The following KLF9 variants were observed in gnomAD, a reference collection of about 807,000 sequenced individuals.
KLF9 encodes the protein Krueppel-like factor 9.
A neutral mutation model predicts 17.3 loss-of-function variants in KLF9; 2 were observed. The observed-to-expected ratio is 0.12, with a 90% CI of 0.05 to 0.36. KLF9 has a LOEUF of 0.36. Ranked by LOEUF, KLF9 falls within the 10% of genes least tolerant of loss-of-function variation. The pLI, the probability that KLF9 is intolerant of heterozygous loss-of-function variation, is 1.00. For synonymous variants in KLF9, 138 were observed against 139.2 expected (o/e 0.99, Z 0.06); for missense variants, 226 against 333.2 (o/e 0.68, Z 2.51).
chr9:70,409,024 ATATATATATATGTG>A (rs1242750799), intron 1 of KLF9, among the ~76,000 whole-genome samples: 2 of 93,644 alleles, frequency 2.1e-5, no homozygotes, highest in Admixed American at 1.2e-4. Flanking sequence ...ACATATATGT[ATATATATATATGTG>A]TATATATATA....
At chr9:70,394,370 A>G (rs2037170194) in intron 1 of KLF9, among the ~76,000 whole-genome samples, 1 of 152,128 alleles carries the variant, frequency 6.6e-6, no homozygotes, top group African/African-American at 2.4e-5. Context: ...ACAAAATAGT[A>G]TATGATAAAA....
chr9:70,398,158 C>T (rs1047638740), intron 1 of KLF9, among the ~76,000 whole-genome samples: 1 of 152,230 alleles, frequency 6.6e-6, no homozygotes, highest in African/African-American at 2.4e-5. Context: ...CCATTTGCTT[C>T]TGACCTCTCA....
chr9:70,409,185 C>T lies in KLF9; in HGVS notation c.505+3674G>A, dbSNP rs71483587. 4.8e-3 allele frequency among the ~76,000 whole-genome samples: 255 copies of T among 53,506 alleles called. 36 individuals carry two copies. The highest frequency in any genetic ancestry group is 0.012 in the Middle Eastern group (1 of 86). The allele number at this position is 53,506 out of a possible 152,430, so 35.1% of individuals were successfully genotyped here. Reference sequence around the variant, plus strand: ...ACACATATATGTATATATATGTATACATATACATGTATATGTATATATATA... The same window carrying T: ...ACACATATATGTATATATATGTATATATATACATGTATATGTATATATATA... On this transcript the variant is annotated intron_variant, in intron 1 of 1. Coordinates refer to ENST00000377126, the MANE Select transcript of KLF9 (RefSeq NM_001206.4).
Position 70,386,054 on chromosome 9 carries a change from A to G in KLF9, c.*1722T>C, listed in dbSNP as rs2037108640. On this transcript the variant is annotated 3_prime_UTR_variant, in exon 2 of 2. Coordinates refer to ENST00000377126, the MANE Select transcript of KLF9 (RefSeq NM_001206.4). ...TCTGAATCAGAAACGAGTATGGGTC[A>G]GGTGAAATAGGTAGGCACCCTATGT... 6.6e-6 allele frequency: 1 copy of G among 152,478 alleles called. No homozygotes were observed. Among genetic ancestry groups the G allele is most frequent in the South Asian group, 2.1e-4 (1 of 4,826 alleles). The allele number at this position is 152,478 out of a possible 1,614,324, so 9.4% of individuals were successfully genotyped here. A position where few individuals can be genotyped will look rare whatever the true frequency, so the allele number is the denominator to read the frequency against.
Position 70,394,927 on chromosome 9 carries a change from G to T in KLF9, c.506-6922C>A, listed in dbSNP as rs570438320. ...GGCAATTCTGTACAAATTCATCTAC[G>T]GAATTAACACACACCGTAAGAATTT... is the stretch of plus-strand genomic sequence containing the variant. On this transcript the variant is annotated intron_variant, in intron 1 of 1. Coordinates refer to ENST00000377126, the MANE Select transcript of KLF9 (RefSeq NM_001206.4). Among the ~76,000 whole-genome samples the T allele has an allele frequency of 1.9e-3, 285 of 152,198 alleles. 1 individual carries two copies. Among genetic ancestry groups the T allele is most frequent in the South Asian group, 4.6e-3 (22 of 4,824 alleles).
intron 1 of KLF9, among the ~76,000 whole-genome samples, chr9:70,411,703 C>T (rs946944600): frequency 6.6e-5 from 10 of 152,136 alleles, no homozygotes; most frequent in African/African-American, 1.9e-4. Flanking sequence ...AAACCACAGG[C>T]CCAAGACCTC....
chr9:70,413,402 TG>T lies in KLF9; in HGVS notation c.-40del, dbSNP rs758562328. The stretch of plus-strand genomic sequence containing the variant: ...GCAGCCCAGGCGGCGCGGACAAACT[TG>T]GCGGTGGCTGCGGAGGTTCGGCTCG... On this transcript the variant is annotated 5_prime_UTR_variant, in exon 1 of 2. Transcript: ENST00000377126. The surrounding 1 kb of genome is among the most constrained non-coding windows in gnomAD (Gnocchi z 5.6). The T allele has an allele frequency of 4.1e-5, 60 of 1,453,808 alleles. No individual in the cohort carries two copies. Among genetic ancestry groups the T allele is most frequent in the Non-Finnish European group, 5.4e-5 (60 of 1,105,834 alleles). 90.1% of individuals were successfully genotyped at this position (1,453,808 alleles called of 1,614,324 possible). A position where few individuals can be genotyped will look rare whatever the true frequency, so the allele number is the denominator to read the frequency against.
At chr9:70,391,666 T>G (rs1023749331) in intron 1 of KLF9, among the ~76,000 whole-genome samples, 10 of 152,252 alleles carry the variant, frequency 6.6e-5, no homozygotes, top group African/African-American at 2.2e-4. Context: ...TTTGGAAAAC[T>G]TTAAAAACTT....
chr9:70,386,976 A>G lies in KLF9; in HGVS notation c.*800T>C, dbSNP rs2037114315. The G allele has an allele frequency of 6.6e-6, 1 of 152,660 alleles. No individual in the cohort carries two copies. The highest frequency in any genetic ancestry group is 1.5e-5 in the Non-Finnish European group (1 of 68,038). 9.5% of individuals were successfully genotyped at this position (152,660 alleles called of 1,614,324 possible). A position where few individuals can be genotyped will look rare whatever the true frequency, so the allele number is the denominator to read the frequency against. On this transcript the variant is annotated 3_prime_UTR_variant, in exon 2 of 2. Coordinates refer to ENST00000377126, the MANE Select transcript of KLF9 (RefSeq NM_001206.4). ...AACTTATTCATCCTCTGCATTAGAA[A>G]ATAAAAGTGCAGCTTATGTTCAAAA...
intron 1 of KLF9, among the ~76,000 whole-genome samples, chr9:70,388,451 C>A (rs1013652018): frequency 3.9e-5 from 6 of 152,146 alleles, no homozygotes; most frequent in African/African-American, 1.4e-4. Context: ...GTTTCAGCCA[C>A]CCAGTCTGTG....
intron 1 of KLF9, among the ~76,000 whole-genome samples, chr9:70,388,307 G>C (rs1235736838): frequency 6.6e-6 from 1 of 152,136 alleles, no homozygotes; most frequent in Non-Finnish European, 1.5e-5. Context: ...TGAAGACTAG[G>C]GAAGACCTTG....
At chr9:70,392,945 AAC>A (rs1322075042) in intron 1 of KLF9, among the ~76,000 whole-genome samples, 3 of 152,172 alleles carry the variant, frequency 2.0e-5, no homozygotes, top group Non-Finnish European at 2.9e-5. Context: ...TTCACAGGAA[AAC>A]ACACCCAGAG....
At position 70,386,745 on chromosome 9, in the gene KLF9, GA is replaced by G. The variant is rs1426185265; in HGVS notation, c.*1030del. 1.3e-5 allele frequency: 2 copies of G among 152,322 alleles called. No individual in the cohort carries two copies. The highest frequency in any genetic ancestry group is 6.5e-5 in the Admixed American group (1 of 15,272). 9.4% of individuals were successfully genotyped at this position (152,322 alleles called of 1,614,324 possible). A position where few individuals can be genotyped will look rare whatever the true frequency, so the allele number is the denominator to read the frequency against. ...TTAACTAAAAGCATAGGAAAATTTG[GA>G]AAAGTTAATAGAGTTAAAATTCTGT... On this transcript the variant is annotated 3_prime_UTR_variant, in exon 2 of 2. Coordinates refer to ENST00000377126, the MANE Select transcript of KLF9 (RefSeq NM_001206.4).
At chr9:70,389,524 T>A (rs2037139479) in intron 1 of KLF9, among the ~76,000 whole-genome samples, 1 of 152,156 alleles carries the variant, frequency 6.6e-6, no homozygotes, top group African/African-American at 2.4e-5. Context: ...ACTTGACAAT[T>A]TCCACATCCC....
Position 70,386,782 on chromosome 9 carries a change from C to G in KLF9, c.*994G>C, listed in dbSNP as rs1477723484. 6.6e-6 allele frequency: 1 copy of G among 152,258 alleles called. No homozygotes were observed. Among genetic ancestry groups the G allele is most frequent in the Admixed American group, 6.5e-5 (1 of 15,272 alleles). 9.4% of individuals were successfully genotyped at this position (152,258 alleles called of 1,614,324 possible). On this transcript the variant is annotated 3_prime_UTR_variant, in exon 2 of 2. Transcript: ENST00000377126. Reference sequence around the variant, plus strand: ...GAGTTAAAATTCTGTTGGTTCTTTTCTTTTTCTTTTGCAAAACACTACCCT... The same window carrying G: ...GAGTTAAAATTCTGTTGGTTCTTTTGTTTTTCTTTTGCAAAACACTACCCT...
chr9:70,401,962 C>T (rs547873484), intron 1 of KLF9, among the ~76,000 whole-genome samples: 4 of 150,688 alleles, frequency 2.7e-5, no homozygotes, highest in Middle Eastern at 3.4e-3. Flanking sequence ...TTGCAGTGAG[C>T]GAGATCATGC....
In KLF9 at chr9:70,413,423, G is replaced by C. The variant is rs2037343630; in HGVS notation, c.-60C>G. The C allele has an allele frequency of 7.0e-7, 1 of 1,438,598 alleles. No individual in the cohort carries two copies. The highest frequency in any genetic ancestry group is 1.4e-5 in the African/African-American group (1 of 69,832). 89.1% of individuals were successfully genotyped at this position (1,438,598 alleles called of 1,614,324 possible). A position where few individuals can be genotyped will look rare whatever the true frequency, so the allele number is the denominator to read the frequency against. Reference sequence around the variant, plus strand: ...AACTTGGCGGTGGCTGCGGAGGTTCGGCTCGCCCTGCCCTGGCCTCGGACG... The same window carrying C: ...AACTTGGCGGTGGCTGCGGAGGTTCCGCTCGCCCTGCCCTGGCCTCGGACG... On this transcript the variant is annotated 5_prime_UTR_variant, in exon 1 of 2. Coordinates refer to ENST00000377126, the MANE Select transcript of KLF9 (RefSeq NM_001206.4). This position sits in a 1 kb window ranked among gnomAD's most constrained non-coding sequence, Gnocchi z 5.6.
chr9:70,397,507 T>G (rs1349943641), intron 1 of KLF9, among the ~76,000 whole-genome samples: 1 of 151,790 alleles, frequency 6.6e-6, no homozygotes, highest in African/African-American at 2.4e-5. Context: ...AGTCAGAAAC[T>G]TCCTGAATAT....
intron 1 of KLF9, among the ~76,000 whole-genome samples, chr9:70,392,016 T>C (rs2037156413): frequency 6.6e-6 from 1 of 152,092 alleles, no homozygotes; most frequent in Admixed American, 6.5e-5. Flanking sequence ...GTTGGTTGAT[T>C]CCTGATCTCA....
Sources: gnomAD v4.1 joint callset for allele counts (sites outside exome capture counted in the v4.1 genomes callset) on GRCh38, gnomAD v4.1.1 for gene constraint, Gnocchi (gnomAD v3.1) non-coding constraint, MANE v1.5 for transcripts, NCBI Gene and HGNC (gene_info 2026-07-23, HGNC 2026-07-21) for gene names.